Variants in AXL observed in about 807,000 individuals in gnomAD.
AXL encodes tyrosine-protein kinase receptor UFO.
AXL carries 52 observed loss-of-function variants against 104.5 expected under a neutral mutation model. The ratio of observed to expected loss-of-function variants is 0.50; its 90% confidence interval spans 0.40 to 0.63. The LOEUF is 0.63. Ranked by LOEUF, AXL falls within the 20% of genes least tolerant of loss-of-function variation. The probability of loss-of-function intolerance (pLI) is 0.00; values close to 1 mark genes in which losing one functional copy is unlikely to be tolerated. For missense variants in AXL, 1,024 were observed against 1,188.5 expected (o/e 0.86, Z 2.04); for synonymous variants, 455 against 473.7 (o/e 0.96, Z 0.51).
At chr19:41,250,994 G>C (rs1003204209) in intron 14 of AXL, among the ~76,000 whole-genome samples, 2 of 152,198 alleles carry the variant, frequency 1.3e-5, no homozygotes, top group Non-Finnish European at 2.9e-5. Context: ...AGGGCAGGTA[G>C]GGAAGTGCTG....
At chr19:41,251,481 GA>G (rs2034359796) in intron 14 of AXL, among the ~76,000 whole-genome samples, 1 of 151,608 alleles carries the variant, frequency 6.6e-6, no homozygotes, top group African/African-American at 2.4e-5. Context: ...AGAATCTCTT[GA>G]ACTGGGGAGG....
At chr19:41,247,773 C>T (rs563053315) in intron 12 of AXL, among the ~76,000 whole-genome samples, 31 of 151,856 alleles carry the variant, frequency 2.0e-4, no homozygotes, top group African/African-American at 6.3e-4. Context: ...TTTGTAGAGA[C>T]GGGGATTCGC....
chr19:41,219,826 C>T (rs1473380067), intron 1 of AXL, among the ~76,000 whole-genome samples: 1 of 151,588 alleles, frequency 6.6e-6, no homozygotes, highest in African/African-American at 2.4e-5. Context: ...GAAATCTTTC[C>T]GAAGGGGCAC....
chr19:41,236,298 A>G (rs2034077336), intron 6 of AXL, among the ~76,000 whole-genome samples: 1 of 145,448 alleles, frequency 6.9e-6, no homozygotes, highest in Non-Finnish European at 1.5e-5. Flanking sequence ...GTACCACTGC[A>G]CTCCAACCTG....
Position 41,219,371 on chromosome 19 carries a change from T to A in AXL, c.-22T>A. On this transcript the variant is annotated 5_prime_UTR_variant, in exon 1 of 20. Coordinates refer to ENST00000301178, the MANE Select transcript of AXL (RefSeq NM_021913.5). ...CCTCCCCCGCTGGGAGCCCAACAAC[T>A]TCTGAGGAAAGTTTGGCACCCATGG... 1 of 1,574,346 alleles carries A rather than the reference T, an allele frequency of 6.4e-7. No homozygotes were observed. The highest frequency in any genetic ancestry group is 8.6e-7 in the Non-Finnish European group (1 of 1,160,276).
chr19:41,231,266 G>A lies in AXL; in HGVS notation c.751G>A (p.Gly251Ser), dbSNP rs1051415960. The A allele has an allele frequency of 2.5e-6, 4 of 1,613,708 alleles. No individual in the cohort carries two copies. The highest frequency in any genetic ancestry group is 3.3e-5 in the Admixed American group (2 of 59,974). ...GGTGGCTTGGACTCCAGGCCTGAGC[G>A]GCATCTACCCCCTGACCCACTGCAC... is the stretch of plus-strand genomic sequence containing the variant. ...LEVAWTPGLSGIYPLTHCTLQ... is the reference protein window; with the variant it reads ...LEVAWTPGLSSIYPLTHCTLQ... Residue 251 changes from glycine (G) to serine (S), a missense_variant, in exon 6 of 20, where the codon GGC becomes AGC. Physicochemically the swap from Gly to Ser is moderately conservative, Grantham distance 56. This residue lies in a region of AXL where 332 missense variants were observed against 343.9 expected (regional missense o/e 0.97). Transcript: ENST00000301178.
intron 10 of AXL, among the ~76,000 whole-genome samples, chr19:41,242,198 G>A (rs1204852891): frequency 1.3e-5 from 2 of 151,704 alleles, no homozygotes; most frequent in African/African-American, 2.4e-5. Context: ...GATCTTGGTG[G>A]CATAATATTT....
intron 14 of AXL, among the ~76,000 whole-genome samples, chr19:41,251,902 A>G (rs1190777809): frequency 6.6e-6 from 1 of 151,700 alleles, no homozygotes; most frequent in African/African-American, 2.4e-5. Flanking sequence ...TCGTGAGGTC[A>G]GGAGATCGAA....
Position 41,220,861 on chromosome 19 carries a change from G to T in AXL, c.308+3G>T. 17 of 1,613,326 alleles carry T rather than the reference G, an allele frequency of 1.1e-5. No individual in the cohort carries two copies. The highest frequency in any genetic ancestry group is 1.4e-5 in the Non-Finnish European group (17 of 1,179,410). On this transcript the variant is annotated splice_donor_region_variant and intron_variant, in intron 2 of 19. Transcript: ENST00000301178. ...TGGATAGTGGTCAGCCAGCTCAGGTGTGTGGCCACATCCCCGAATCCCACT... is the reference window on the plus strand; with the variant it reads ...TGGATAGTGGTCAGCCAGCTCAGGTTTGTGGCCACATCCCCGAATCCCACT...
chr19:41,249,751 G>A (rs945210856), intron 14 of AXL, among the ~76,000 whole-genome samples: 6 of 150,524 alleles, frequency 4.0e-5, no homozygotes, highest in African/African-American at 1.2e-4. Context: ...GCAAGACTCC[G>A]TCTGAAAAAA....
Position 41,230,950 on chromosome 19 carries a change from C to T in AXL, c.587-17C>T, listed in dbSNP as rs760704353. On this transcript the variant is annotated splice_polypyrimidine_tract_variant and intron_variant, in intron 4 of 19. Coordinates refer to ENST00000301178, the MANE Select transcript of AXL (RefSeq NM_021913.5). ...CCCCTCTCTGATATTGGACCCTTCC[C>T]TCATATGACTCCCTAGGGCTGAACA... 25 of 1,612,932 alleles carry T rather than the reference C, an allele frequency of 1.5e-5. No individual in the cohort carries two copies. Among genetic ancestry groups the T allele is most frequent in the Non-Finnish European group, 1.9e-5 (22 of 1,179,284 alleles).
intron 4 of AXL, among the ~76,000 whole-genome samples, chr19:41,228,669 TTCAC>T (rs1409060490): frequency 6.6e-6 from 1 of 152,164 alleles, no homozygotes; most frequent in African/African-American, 2.4e-5. Context: ...TGAACACAAT[TTCAC>T]TCACTCATTC....
chr19:41,223,209 C>T (rs975057324), intron 4 of AXL, among the ~76,000 whole-genome samples: 2 of 150,980 alleles, frequency 1.3e-5, no homozygotes, highest in South Asian at 2.1e-4. Flanking sequence ...GCAGGAGAAT[C>T]GCTTGAACCC....
At chr19:41,225,135 C>A (rs1037597065) in intron 4 of AXL, among the ~76,000 whole-genome samples, 3 of 152,198 alleles carry the variant, frequency 2.0e-5, no homozygotes, top group Admixed American at 2.0e-4. Context: ...TCCTGAGGAG[C>A]TGCGATTACA....
chr19:41,225,872 C>G (rs956232415), intron 4 of AXL, among the ~76,000 whole-genome samples: 27 of 152,086 alleles, frequency 1.8e-4, no homozygotes, highest in African/African-American at 6.5e-4. Context: ...GAAGGAATTT[C>G]GTCCGTTTGT....
intron 18 of AXL, 65 bp from the exon 19 acceptor site, chr19:41,257,428 A>G: frequency 6.3e-7 from 1 of 1,594,660 alleles, no homozygotes; most frequent in Non-Finnish European, 8.6e-7. Context: ...GTACCCATGA[A>G]CCTGGGTATT....
chr19:41,227,173 T>C (rs1452796004), intron 4 of AXL, among the ~76,000 whole-genome samples: 1 of 151,554 alleles, frequency 6.6e-6, no homozygotes, highest in Non-Finnish European at 1.5e-5. Context: ...GGGAGGGGGG[T>C]GTCTATGTTT....
rs530464298 is a variant in AXL, at chr19:41,219,579, T to G, written c.85+102T>G. On this transcript the variant is annotated intron_variant, in intron 1 of 19. Coordinates refer to ENST00000301178, the MANE Select transcript of AXL (RefSeq NM_021913.5). ...CAGGTGTGGGGGGCCTGGGCTGGCT[T>G]AGGGAGTTTCCTTGGGACCACAGAA... is the stretch of plus-strand genomic sequence containing the variant. The G allele has an allele frequency of 4.6e-5, 62 of 1,362,332 alleles. 1 individual carries two copies. The South Asian group carries it at 7.3e-4, about 16-fold the overall frequency. The allele number at this position is 1,362,332 out of a possible 1,614,324, so 84.4% of individuals were successfully genotyped here.
chr19:41,259,913 T>G lies in AXL; in HGVS notation c.*9T>G. ...AGGAGGATGGTGCCTGAGACAACCC[T>G]CCACCTGGTACTCCCTCTCAGGATC... On this transcript the variant is annotated 3_prime_UTR_variant, in exon 20 of 20. Coordinates refer to ENST00000301178, the MANE Select transcript of AXL (RefSeq NM_021913.5). The G allele has an allele frequency of 1.3e-6, 2 of 1,544,422 alleles. No individual in the cohort carries two copies. Among genetic ancestry groups the G allele is most frequent in the Non-Finnish European group, 1.7e-6 (2 of 1,143,710 alleles).
Sources: gnomAD v4.1 joint callset for allele counts (sites outside exome capture counted in the v4.1 genomes callset) on GRCh38, gnomAD v4.1.1 for gene constraint, gnomAD v4.1.1 regional missense constraint, MANE v1.5 for transcripts, NCBI Gene and HGNC (gene_info 2026-07-23, HGNC 2026-07-21) for gene names.